Variants in PPP1R1C observed in about 807,000 individuals in gnomAD.
PPP1R1C encodes the protein protein phosphatase 1 regulatory subunit 1C.
A neutral mutation model predicts 17.4 loss-of-function variants in PPP1R1C; 15 were observed. The ratio of observed to expected loss-of-function variants is 0.86; its 90% CI spans 0.58 to 1.33. PPP1R1C has a LOEUF of 1.33. PPP1R1C is among the 40% of genes most tolerant of loss of function. The pLI is 0.00. For synonymous variants in PPP1R1C, 35 were observed against 43.1 expected, an observed-to-expected ratio of 0.81 and a Z score of 0.73; for missense variants, 143 against 130.0, an observed-to-expected ratio of 1.10 and a Z score of -0.48.
At position 182,061,467 on chromosome 2, in the gene PPP1R1C, C is replaced by A. The variant is rs1687848608; in HGVS notation, c.168C>A (p.Asn56Lys). 6.8e-7 allele frequency: 1 copy of A among 1,470,486 alleles called. No homozygotes were observed. 91.1% of individuals were successfully genotyped at this position (1,470,486 alleles called of 1,614,324 possible). Residue 56 changes from asparagine (N) to lysine (K), a missense_variant, in exon 3 of 5, where the codon AAC becomes AAA. By Grantham distance (94) the Asn-to-Lys change is moderately conservative. Transcript: ENST00000682840. ...PPEIDDKRGP[N>K]TQGELQNASP... is the part of the protein sequence containing the mutation. ...AAATAGATGACAAGAGGGGGCCCAA[C>A]ACACAAGGGGAAGTAAGTTTTTAAA... is the stretch of plus-strand genomic sequence containing the variant.
intron 4 of PPP1R1C, among the ~76,000 whole-genome samples, chr2:182,093,190 A>G (rs544785808): frequency 5.9e-5 from 9 of 152,288 alleles, no homozygotes; most frequent in Admixed American, 2.0e-4. Context: ...GCTCAACACC[A>G]TGTAGAAGCT....
At chr2:182,124,314 G>GTTTTTTTTTTTGTTT (rs1689812959) in intron 5 of PPP1R1C, among the ~76,000 whole-genome samples, 1 of 42,100 alleles carries the variant, frequency 2.4e-5, no homozygotes, top group East Asian at 7.0e-4. Flanking sequence ...GTTTTTTTTT[G>GTTTTTTTTTTTGTTT]TTTTTTTTTT....
rs142130391 is a variant in PPP1R1C, at chr2:182,066,337, C to G, written c.241+2546C>G. 2.8e-3 allele frequency among the ~76,000 whole-genome samples: 429 copies of G among 152,126 alleles called. 3 individuals are homozygous for G. Among genetic ancestry groups the G allele is most frequent in the African/African-American group, 9.7e-3 (401 of 41,506 alleles). Reference sequence around the variant, plus strand: ...CGGCATGTTATATTTTGTATCCTGACTCTATTATTCATTCTATTTTCAGCT... The same window carrying G: ...CGGCATGTTATATTTTGTATCCTGAGTCTATTATTCATTCTATTTTCAGCT... On this transcript the variant is annotated intron_variant, in intron 4 of 4. Transcript: ENST00000682840.
At chr2:182,121,714 G>C (rs1689737625), downstream of PPP1R1C, among the ~76,000 whole-genome samples, 1 of 152,028 alleles carries the variant, frequency 6.6e-6, no homozygotes, top group Admixed American at 6.6e-5. Context: ...ATATTGTCCA[G>C]GATGGTCTCG....
chr2:182,085,038 G>C (rs187633453), intron 4 of PPP1R1C, among the ~76,000 whole-genome samples: 7 of 151,960 alleles, frequency 4.6e-5, no homozygotes. Flanking sequence ...TTAAATTGTT[G>C]ATTTAATTCT....
intron 1 of PPP1R1C, among the ~76,000 whole-genome samples, chr2:181,974,629 C>T (rs891551174): frequency 1.3e-5 from 2 of 152,150 alleles, no homozygotes; most frequent in Non-Finnish European, 2.9e-5. Context: ...AATTGAGGAA[C>T]TCAGATTTTC....
At chr2:182,068,542 G>T (rs896812265) in intron 4 of PPP1R1C, among the ~76,000 whole-genome samples, 2 of 152,144 alleles carry the variant, frequency 1.3e-5, no homozygotes, top group African/African-American at 4.8e-5. Flanking sequence ...CTTTTGTTTA[G>T]CACTAAGCCT....
intron 4 of PPP1R1C, among the ~76,000 whole-genome samples, chr2:182,064,524 C>G (rs1336173387): frequency 6.6e-6 from 1 of 152,046 alleles, no homozygotes; most frequent in Non-Finnish European, 1.5e-5. Flanking sequence ...TCAGTTTCAA[C>G]TGCATGAGAG....
chr2:181,975,963 T>C (rs1338861657), intron 2 of PPP1R1C, among the ~76,000 whole-genome samples: 4 of 152,062 alleles, frequency 2.6e-5, no homozygotes, highest in Non-Finnish European at 5.9e-5. Context: ...TAAGAGAGGG[T>C]GTGAAAAATC....
chr2:182,052,153 G>A (rs552391697), intron 2 of PPP1R1C, among the ~76,000 whole-genome samples: 3 of 152,128 alleles, frequency 2.0e-5, no homozygotes, highest in African/African-American at 4.8e-5. Context: ...AAAAATGCTA[G>A]CAATATAAAT....
intron 4 of PPP1R1C, among the ~76,000 whole-genome samples, chr2:182,116,812 A>C (rs1559099523): frequency 6.6e-6 from 1 of 152,142 alleles, no homozygotes; most frequent in Non-Finnish European, 1.5e-5. Flanking sequence ...TGGCACGCAC[A>C]CCCTTTTGTT....
downstream of PPP1R1C, among the ~76,000 whole-genome samples, chr2:182,119,704 C>A (rs1469715256): frequency 6.6e-6 from 1 of 152,170 alleles, no homozygotes; most frequent in African/African-American, 2.4e-5. Context: ...TAAATGTCTT[C>A]TTTTGAGAAG....
At chr2:182,018,787 G>A (rs1686332806) in intron 2 of PPP1R1C, among the ~76,000 whole-genome samples, 1 of 152,068 alleles carries the variant, frequency 6.6e-6, no homozygotes, top group Non-Finnish European at 1.5e-5. Flanking sequence ...CTGGGGGATG[G>A]GAAAGCAATC....
chr2:182,056,470 A>G (rs1418519657), intron 2 of PPP1R1C, among the ~76,000 whole-genome samples: 3 of 152,196 alleles, frequency 2.0e-5, no homozygotes, highest in African/African-American at 7.2e-5. Context: ...CAAAGAATGA[A>G]TTTACAAGAC....
chr2:182,121,174 ATTGT>A (rs1237564900), downstream of PPP1R1C, among the ~76,000 whole-genome samples: 2 of 152,082 alleles, frequency 1.3e-5, no homozygotes, highest in Non-Finnish European at 2.9e-5. Context: ...TTATAATATA[ATTGT>A]TTGTAGCTGG....
chr2:182,040,417 T>G (rs116347422), intron 2 of PPP1R1C, among the ~76,000 whole-genome samples: 2,468 of 152,320 alleles, frequency 0.016, 71 homozygotes, highest in African/African-American at 0.057. Flanking sequence ...TATTGAGCAT[T>G]TTCTTCATAC....
chr2:182,037,073 C>T (rs1687033658), intron 2 of PPP1R1C, among the ~76,000 whole-genome samples: 1 of 152,080 alleles, frequency 6.6e-6, no homozygotes, highest in African/African-American at 2.4e-5. Flanking sequence ...TACCATTAAA[C>T]ATATACATAA....
chr2:182,091,035 A>G (rs1194149042), intron 4 of PPP1R1C, among the ~76,000 whole-genome samples: 1 of 152,198 alleles, frequency 6.6e-6, no homozygotes, highest in African/African-American at 2.4e-5. Context: ...ATGAGCTAAT[A>G]GTTTTGGACA....
At chr2:182,024,563 G>A (rs781579079) in intron 2 of PPP1R1C, among the ~76,000 whole-genome samples, 1 of 151,652 alleles carries the variant, frequency 6.6e-6, no homozygotes, top group African/African-American at 2.4e-5. Context: ...CTATCTTTTT[G>A]TTCATTAAAT....
Sources: allele counts gnomAD v4.1 joint callset (sites outside exome capture counted in the v4.1 genomes callset), GRCh38; gene constraint gnomAD v4.1.1; transcripts MANE v1.5; gene names NCBI Gene and HGNC (gene_info 2026-07-23, HGNC 2026-07-21).